Variants in ATXN1 observed in about 807,000 individuals in gnomAD.
ATXN1 encodes the protein ataxin 1.
ATXN1 carries 8 observed loss-of-function variants against 56.4 expected under a neutral mutation model. The ratio of observed to expected loss-of-function variants is 0.14; its 90% confidence interval spans 0.08 to 0.26. ATXN1 has a LOEUF of 0.26. Ranked by LOEUF, ATXN1 falls within the 10% of genes least tolerant of loss-of-function variation. The pLI is 1.00. For synonymous variants in ATXN1, 514 were observed against 494.6 expected, an observed-to-expected ratio of 1.04 and a Z score of -0.52; for missense variants, 987 against 1,106.5, an observed-to-expected ratio of 0.89 and a Z score of 1.53.
chr6:16,675,698 T>C (rs964816866), intron 2 of ATXN1, among the ~76,000 whole-genome samples: 1 of 151,954 alleles, frequency 6.6e-6, no homozygotes, highest in African/African-American at 2.4e-5. Context: ...CTGACTGACA[T>C]GGTGAAGCCC....
intron 4 of ATXN1, among the ~76,000 whole-genome samples, chr6:16,549,994 C>T (rs545783888): frequency 1.3e-5 from 2 of 148,788 alleles, no homozygotes; most frequent in Admixed American, 1.3e-4. Context: ...GGGAACAACA[C>T]ACACCGGGGT....
intron 2 of ATXN1, among the ~76,000 whole-genome samples, chr6:16,751,071 C>T (rs148028261): frequency 3.1e-3 from 472 of 151,118 alleles, no homozygotes; most frequent in South Asian, 4.6e-3. Flanking sequence ...AGGATTCAAG[C>T]GATTCTCCTG....
chr6:16,303,862 C>T lies in ATXN1; in HGVS notation c.*2467G>A, dbSNP rs1168172435. On this transcript the variant is annotated 3_prime_UTR_variant, in exon 8 of 8. Transcript: ENST00000436367. The surrounding 1 kb of genome is among the most constrained non-coding windows in gnomAD (Gnocchi z 4.3). ...AAAGGCTAAAAAACAAAAAGAAAAA[C>T]AAAACCTAATAATTGCAAGTGCCCT... 1.3e-5 allele frequency: 2 copies of T among 152,552 alleles called. No homozygotes were observed. Among genetic ancestry groups the T allele is most frequent in the African/African-American group, 4.8e-5 (2 of 41,434 alleles). 9.4% of individuals were successfully genotyped at this position (152,552 alleles called of 1,614,324 possible). A position where few individuals can be genotyped will look rare whatever the true frequency, so the allele number is the denominator to read the frequency against.
At chr6:16,467,412 A>C (rs1760130014) in intron 6 of ATXN1, among the ~76,000 whole-genome samples, 2 of 152,228 alleles carry the variant, frequency 1.3e-5, no homozygotes, top group African/African-American at 4.8e-5. Flanking sequence ...GCACGGTCCA[A>C]TCACCAGTGT....
intron 2 of ATXN1, among the ~76,000 whole-genome samples, chr6:16,732,803 G>A (rs995540522): frequency 6.6e-6 from 1 of 152,164 alleles, no homozygotes; most frequent in Non-Finnish European, 1.5e-5. Context: ...TTGACTAGAT[G>A]TGCTTCTTTT....
intron 6 of ATXN1, among the ~76,000 whole-genome samples, chr6:16,397,979 A>T (rs1377425542): frequency 6.6e-6 from 1 of 152,178 alleles, no homozygotes; most frequent in Non-Finnish European, 1.5e-5. Context: ...CCAAGGCCAC[A>T]TATCTAGTAA....
At chr6:16,581,218 T>TGCGC (rs1361483021) in intron 4 of ATXN1, among the ~76,000 whole-genome samples, 3 of 137,330 alleles carry the variant, frequency 2.2e-5, no homozygotes, top group African/African-American at 9.2e-5. Context: ...TGTGTGTGTG[T>TGCGC]GTGTGTGCGC....
At chr6:16,631,484 A>G (rs1452080524) in intron 3 of ATXN1, among the ~76,000 whole-genome samples, 3 of 152,218 alleles carry the variant, frequency 2.0e-5, no homozygotes, top group Non-Finnish European at 2.9e-5. Context: ...GGTGCAAAGC[A>G]CTAAAATCAC....
In ATXN1 at chr6:16,475,474, T is replaced by G. The variant is rs115523123; in HGVS notation, c.-161+10498A>C. Among the ~76,000 whole-genome samples the G allele has an allele frequency of 7.1e-3, 1,082 of 152,314 alleles. 15 individuals carry two copies. Among genetic ancestry groups the G allele is most frequent in the African/African-American group, 0.025 (1,038 of 41,562 alleles). ...AGTTATTAGGGAGCAATCACTGGGC[T>G]AAAAACTTAACAGACTTTATCGCAT... On this transcript the variant is annotated intron_variant, in intron 6 of 7. Coordinates refer to ENST00000436367, the MANE Select transcript of ATXN1 (RefSeq NM_001128164.2).
At chr6:16,515,958 A>G (rs1761175246) in intron 5 of ATXN1, among the ~76,000 whole-genome samples, 1 of 152,212 alleles carries the variant, frequency 6.6e-6, no homozygotes, top group South Asian at 2.1e-4. Flanking sequence ...GAACAAGGTC[A>G]GAAAGACAAG....
chr6:16,451,683 A>T lies in ATXN1; in HGVS notation c.-161+34289T>A, dbSNP rs1759756034. Reference sequence around the variant, plus strand: ...GGCAGGAGAACCACTTGAACCCAGGAGGCGGAGGTTGCAGTGAGCCAAGAT... The same window carrying T: ...GGCAGGAGAACCACTTGAACCCAGGTGGCGGAGGTTGCAGTGAGCCAAGAT... On this transcript the variant is annotated intron_variant, in intron 6 of 7. Transcript: ENST00000436367. Among the ~76,000 whole-genome samples, 3 of 151,234 alleles carry T rather than the reference A, an allele frequency of 2.0e-5. No individual in the cohort carries two copies. The South Asian group carries it at 6.3e-4, about 32-fold the overall frequency.
Position 16,370,369 on chromosome 6 carries a change from A to C in ATXN1, c.-160-41899T>G, listed in dbSNP as rs543612531. 1.0e-3 allele frequency among the ~76,000 whole-genome samples: 157 copies of C among 152,362 alleles called. 1 individual carries two copies. Among genetic ancestry groups the C allele is most frequent in the African/African-American group, 3.8e-3 (157 of 41,598 alleles). On this transcript the variant is annotated intron_variant, in intron 6 of 7. Transcript: ENST00000436367. ...AGATCTAAAAGCTACAGATTTATCA[A>C]AGAACTGAAGCTACTAAAATTGTTT...
At chr6:16,573,838 C>A (rs1291904551) in intron 4 of ATXN1, among the ~76,000 whole-genome samples, 1 of 152,200 alleles carries the variant, frequency 6.6e-6, no homozygotes. Flanking sequence ...CACTACACAT[C>A]CTGTTAAGGT....
intron 6 of ATXN1, among the ~76,000 whole-genome samples, chr6:16,348,323 C>A (rs947977417): frequency 6.6e-6 from 1 of 152,134 alleles, no homozygotes; most frequent in African/African-American, 2.4e-5. Context: ...TTTTGGCTTT[C>A]CATAGTGTTA....
Position 16,416,829 on chromosome 6 carries a change from T to A in ATXN1, c.-161+69143A>T, listed in dbSNP as rs974058928. 6.6e-5 allele frequency among the ~76,000 whole-genome samples: 10 copies of A among 152,194 alleles called. No homozygotes were observed. The East Asian group carries it at 1.9e-3, about 29-fold the overall frequency. ...CTGAATTCCTCTAGTAGGCCTTTAG[T>A]TTCCATAAAGCAGAAACCCCATACC... On this transcript the variant is annotated intron_variant, in intron 6 of 7. Transcript: ENST00000436367.
At chr6:16,470,949 C>T (rs1022765979) in intron 6 of ATXN1, among the ~76,000 whole-genome samples, 1 of 152,060 alleles carries the variant, frequency 6.6e-6, no homozygotes, top group African/African-American at 2.4e-5. Context: ...TGTTTTTCTC[C>T]ACAGGCCAAC....
chr6:16,735,454 G>A (rs1178902729), intron 2 of ATXN1, among the ~76,000 whole-genome samples: 3 of 152,142 alleles, frequency 2.0e-5, no homozygotes, highest in Non-Finnish European at 4.4e-5. Context: ...GAGCCACTCC[G>A]TGTGTCACTA....
chr6:16,317,370 G>A (rs890581393), intron 7 of ATXN1, among the ~76,000 whole-genome samples: 1 of 151,322 alleles, frequency 6.6e-6, no homozygotes, highest in South Asian at 2.1e-4. Flanking sequence ...TGTCGCCAAG[G>A]CTAGAGTGTA....
chr6:16,419,849 TTC>T (rs1311175455), intron 6 of ATXN1, among the ~76,000 whole-genome samples: 4 of 152,176 alleles, frequency 2.6e-5, no homozygotes, highest in Non-Finnish European at 4.4e-5. Flanking sequence ...GAGTCCATCC[TTC>T]TACTCCAACC....
Sources: gnomAD v4.1 joint callset for allele counts (sites outside exome capture counted in the v4.1 genomes callset) on GRCh38, gnomAD v4.1.1 for gene constraint, Gnocchi (gnomAD v3.1) non-coding constraint, MANE v1.5 for transcripts, NCBI Gene and HGNC (gene_info 2026-07-23, HGNC 2026-07-21) for gene names.